Variants in GPC5 observed in about 807,000 individuals in gnomAD.
GPC5 encodes the protein glypican 5.
In GPC5, 47 loss-of-function variants were observed where a neutral mutation model predicts 53.9. The ratio of observed to expected loss-of-function variants is 0.87; its 90% confidence interval spans 0.69 to 1.11. GPC5 has a LOEUF of 1.11. Ranked by LOEUF, GPC5 falls within the 50% of genes most tolerant of loss-of-function variation. The pLI, the probability that GPC5 is intolerant of heterozygous loss-of-function variation, is 0.00. For synonymous variants in GPC5, 286 were observed against 263.3 expected, an observed-to-expected ratio of 1.09 and a Z score of -0.84; for missense variants, 748 against 713.1, an observed-to-expected ratio of 1.05 and a Z score of -0.56.
chr13:91,498,786 A>T (rs1448769943), intron 2 of GPC5, among the ~76,000 whole-genome samples: 3 of 152,064 alleles, frequency 2.0e-5, no homozygotes, highest in Admixed American at 2.0e-4. Context: ...ACTGGCCAAC[A>T]TGGTGAAACC....
chr13:91,916,096 A>G (rs1204728549), intron 6 of GPC5, among the ~76,000 whole-genome samples: 1 of 152,204 alleles, frequency 6.6e-6, no homozygotes, highest in Non-Finnish European at 1.5e-5. Context: ...TAGTTAGTTT[A>G]CTTAATATCT....
intron 2 of GPC5, among the ~76,000 whole-genome samples, chr13:91,685,537 C>A (rs1164067713): frequency 6.6e-6 from 1 of 152,050 alleles, no homozygotes; most frequent in Non-Finnish European, 1.5e-5. Flanking sequence ...ACTTTTCATC[C>A]CCTACCCTCT....
chr13:92,768,124 A>C (rs751426153), intron 7 of GPC5, among the ~76,000 whole-genome samples: 1 of 152,208 alleles, frequency 6.6e-6, no homozygotes, highest in Non-Finnish European at 1.5e-5. Context: ...GTGAAATGCT[A>C]CTGTATTTCT....
chr13:92,355,042 G>A (rs916365588), intron 7 of GPC5, among the ~76,000 whole-genome samples: 8 of 151,140 alleles, frequency 5.3e-5, no homozygotes, highest in African/African-American at 1.9e-4. Context: ...TGCATAATAT[G>A]CAGATTAGCA....
intron 7 of GPC5, among the ~76,000 whole-genome samples, chr13:92,530,708 G>A (rs1014294916): frequency 6.6e-6 from 1 of 152,066 alleles, no homozygotes; most frequent in African/African-American, 2.4e-5. Context: ...TTTTTCCTAT[G>A]TCAACACCAT....
intron 7 of GPC5, among the ~76,000 whole-genome samples, chr13:92,334,036 T>G (rs1244766610): frequency 6.6e-6 from 1 of 151,988 alleles, no homozygotes; most frequent in Non-Finnish European, 1.5e-5. Context: ...CTGGAAGAAA[T>G]GAAAGAACTG....
In GPC5 at chr13:92,492,635, G is replaced by A. The variant is rs181895012; in HGVS notation, c.1561+347646G>A. On this transcript the variant is annotated intron_variant, in intron 7 of 7. Transcript: ENST00000377067. ...ATGTCCTGGTAAATATGTAATCAAA[G>A]AGATGATATTATAAGCAAAAAAGTA... Among the ~76,000 whole-genome samples the A allele has an allele frequency of 2.6e-4, 39 of 152,168 alleles. 1 individual carries two copies. The East Asian group carries it at 5.4e-3, about 21-fold the overall frequency.
intron 7 of GPC5, among the ~76,000 whole-genome samples, chr13:92,815,979 G>A (rs1877459110): frequency 6.6e-6 from 1 of 151,738 alleles, no homozygotes; most frequent in African/African-American, 2.4e-5. Context: ...ATAAACGGTG[G>A]GAAATAAAAC....
chr13:92,314,016 C>T (rs1434813716), intron 7 of GPC5, among the ~76,000 whole-genome samples: 4 of 152,152 alleles, frequency 2.6e-5, no homozygotes, highest in Admixed American at 1.3e-4. Flanking sequence ...CTTCAAAACA[C>T]TAATTGCATT....
rs1876691931 is a variant in GPC5 at position 91,399,023 on chromosome 13, G to A, written c.-24G>A. The stretch of plus-strand genomic sequence containing the variant: ...CAGGGCGAGTGGGGTCCACTGGCGG[G>A]TAAAGGGGACCAGGACGGCGAGGAT... On this transcript the variant is annotated 5_prime_UTR_variant, in exon 1 of 8. Coordinates refer to ENST00000377067, the MANE Select transcript of GPC5 (RefSeq NM_004466.6). 2 of 1,532,338 alleles carry A rather than the reference G, an allele frequency of 1.3e-6. No homozygotes were observed. Among genetic ancestry groups the A allele is most frequent in the African/African-American group, 1.4e-5 (1 of 72,830 alleles). The allele number at this position is 1,532,338 out of a possible 1,614,324, so 94.9% of individuals were successfully genotyped here.
At chr13:91,494,443 T>A (rs1436109838) in intron 2 of GPC5, among the ~76,000 whole-genome samples, 1 of 151,960 alleles carries the variant, frequency 6.6e-6, no homozygotes, top group Admixed American at 6.6e-5. Flanking sequence ...ACCAAACAAC[T>A]CTAGAATGTA....
At chr13:92,618,499 A>AC (rs1253126441) in intron 7 of GPC5, among the ~76,000 whole-genome samples, 2 of 152,014 alleles carry the variant, frequency 1.3e-5, no homozygotes, top group Non-Finnish European at 2.9e-5. Flanking sequence ...GTGATTAAAA[A>AC]CACAGTAAGA....
chr13:91,498,535 G>C (rs529258319), intron 2 of GPC5, among the ~76,000 whole-genome samples: 1 of 152,246 alleles, frequency 6.6e-6, no homozygotes, highest in Non-Finnish European at 1.5e-5. Context: ...GGATAGCCAG[G>C]AGCATGTGGA....
At chr13:91,698,028 A>G (rs910102510) in intron 3 of GPC5, among the ~76,000 whole-genome samples, 47 of 151,902 alleles carry the variant, frequency 3.1e-4, no homozygotes, top group Non-Finnish European at 6.5e-4. Context: ...CAGCCTCCCA[A>G]GTAGCTGGAA....
chr13:92,177,284 C>T (rs1278645663), intron 7 of GPC5, among the ~76,000 whole-genome samples: 3 of 152,168 alleles, frequency 2.0e-5, no homozygotes, highest in Non-Finnish European at 4.4e-5. Flanking sequence ...GTCTGACTTT[C>T]ATCATATCTG....
At chr13:92,424,493 CT>C (rs1876735769) in intron 7 of GPC5, among the ~76,000 whole-genome samples, 1 of 151,820 alleles carries the variant, frequency 6.6e-6, no homozygotes, top group Non-Finnish European at 1.5e-5. Flanking sequence ...AACAAAATGC[CT>C]TTATCTTTTT....
rs543323196 is a variant in GPC5 at position 92,752,066 on chromosome 13, GA to G, written c.1562-114203del. Among the ~76,000 whole-genome samples the G allele has an allele frequency of 5.0e-3, 679 of 135,224 alleles. 11 individuals are homozygous for G. In the East Asian group the frequency reaches 0.052, roughly 10 times the overall value. 88.7% of individuals were successfully genotyped at this position (135,224 alleles called of 152,430 possible). A position where few individuals can be genotyped will look rare whatever the true frequency, so the allele number is the denominator to read the frequency against. On this transcript the variant is annotated intron_variant, in intron 7 of 7. Coordinates refer to ENST00000377067, the MANE Select transcript of GPC5 (RefSeq NM_004466.6). Reference sequence around the variant, plus strand: ...TTAAATAAAGAGGAATGAGAACCTTGAAAAAAAAAAAAAGCAAGAACTCTAG... The same window carrying G: ...TTAAATAAAGAGGAATGAGAACCTTGAAAAAAAAAAAAGCAAGAACTCTAG...
intron 7 of GPC5, among the ~76,000 whole-genome samples, chr13:92,200,218 G>C (rs1188676511): frequency 1.3e-5 from 2 of 152,040 alleles, no homozygotes; most frequent in East Asian, 3.8e-4. Flanking sequence ...TAAAACATGA[G>C]TTCAGAATAA....
intron 2 of GPC5, among the ~76,000 whole-genome samples, chr13:91,560,041 A>G (rs1385280666): frequency 6.9e-6 from 1 of 145,466 alleles, no homozygotes; most frequent in Non-Finnish European, 1.5e-5. Flanking sequence ...GACTGTACTT[A>G]TTAGAGAGTC....
Sources: allele counts gnomAD v4.1 joint callset (sites outside exome capture counted in the v4.1 genomes callset), GRCh38; gene constraint gnomAD v4.1.1; transcripts MANE v1.5; gene names NCBI Gene and HGNC (gene_info 2026-07-23, HGNC 2026-07-21).